Variants in L3MBTL3 observed in about 807,000 individuals in gnomAD.
L3MBTL3 encodes the protein L3MBTL histone methyl-lysine binding protein 3, also known as lethal(3)malignant brain tumor-like protein 3.
Under a neutral mutation model 102.3 loss-of-function variants are expected in L3MBTL3, and 27 were observed. That is an observed-to-expected ratio of 0.26 (90% CI 0.19 to 0.36). The LOEUF is 0.36. Among genes scored for constraint, L3MBTL3 ranks in the 10% least tolerant of loss-of-function variants. The pLI is 1.00. For missense variants in L3MBTL3, 798 were observed against 955.3 expected, an observed-to-expected ratio of 0.84 and a Z score of 2.17; for synonymous variants, 340 against 320.9, an observed-to-expected ratio of 1.06 and a Z score of -0.64.
At chr6:130,054,952 C>T (rs1781368318) in intron 7 of L3MBTL3, 1 of 482,398 alleles carries the variant, frequency 2.1e-6, no homozygotes, top group East Asian at 4.0e-5. Flanking sequence ...GGTGTCCATG[C>T]CCTTCCAACC....
chr6:130,108,849 C>G (rs1319768248), intron 19 of L3MBTL3, among the ~76,000 whole-genome samples: 1 of 152,040 alleles, frequency 6.6e-6, no homozygotes, highest in African/African-American at 2.4e-5. Context: ...TGCTCTCCCT[C>G]CCCTTGCCCC....
In L3MBTL3 at chr6:130,133,503, T is replaced by C. The variant is rs774108074; in HGVS notation, c.2018T>C (p.Phe673Ser). ...CAGGCACAGCGTCGGTCAGCTGTCT[T>C]TCTGTCCTTTAAGTCCCCAATTCCA... ...VQQAQRRSAV[F>S]LSFKSPIPCL... The change falls in exon 21 of 23, where the codon TTT (phenylalanine) becomes TCT (serine). Residue 673 changes from phenylalanine to serine, a missense_variant. Transcript: ENST00000361794. This position sits in a 1 kb window ranked among gnomAD's most constrained non-coding sequence, Gnocchi z 4.9. 1 of 1,614,180 alleles carries C rather than the reference T, an allele frequency of 6.2e-7. No individual in the cohort carries two copies. Among genetic ancestry groups the C allele is most frequent in the Non-Finnish European group, 8.5e-7 (1 of 1,179,996 alleles).
At chr6:130,027,888 T>C (rs1483622514) in intron 2 of L3MBTL3, among the ~76,000 whole-genome samples, 1 of 152,094 alleles carries the variant, frequency 6.6e-6, no homozygotes, top group Non-Finnish European at 1.5e-5. Context: ...GGTGTAAAAT[T>C]TCTATTATTA....
At chr6:130,062,826 G>A (rs187494721) in intron 10 of L3MBTL3, among the ~76,000 whole-genome samples, 4 of 150,350 alleles carry the variant, frequency 2.7e-5, no homozygotes, top group South Asian at 2.1e-4. Flanking sequence ...GGTCCAGTGA[G>A]CATCCTCTTA....
chr6:130,136,643 AGCCTCACTCTGTC>A (rs1228731219), intron 22 of L3MBTL3, among the ~76,000 whole-genome samples: 1 of 151,190 alleles, frequency 6.6e-6, no homozygotes, highest in African/African-American at 2.4e-5. Flanking sequence ...TTTGAGACAG[AGCCTCACTCTGTC>A]GCCCAGGCTG....
At chr6:130,041,082 G>A (rs1047242562) in intron 2 of L3MBTL3, among the ~76,000 whole-genome samples, 14 of 152,264 alleles carry the variant, frequency 9.2e-5, no homozygotes, top group African/African-American at 2.9e-4. Context: ...TTGACTTTTT[G>A]GACCTTTTGA....
intron 10 of L3MBTL3, among the ~76,000 whole-genome samples, chr6:130,065,279 A>G (rs565649870): frequency 1.9e-4 from 29 of 152,154 alleles, no homozygotes; most frequent in Non-Finnish European, 3.1e-4. Context: ...TCTTTTTACT[A>G]TGTGTTTACA....
In L3MBTL3 at chr6:130,049,781, G is replaced by A. The variant is rs1306139599; in HGVS notation, c.240G>A (p.Arg80=). Residue 80 remains arginine, a synonymous_variant, in exon 5 of 23, where the codon AGG becomes AGA. Coordinates refer to ENST00000361794, the MANE Select transcript of L3MBTL3 (RefSeq NM_032438.4). ...CCCCGACCTCTCCCCCGAGCTCCAG[G>A]CCCGTATTTCCACCTGCCTACTGGA... is the stretch of plus-strand genomic sequence containing the variant. ...QEAPTSPPSS[R]PVFPPAYWTS... is the part of the protein sequence containing the mutation. The A allele has an allele frequency of 1.9e-6, 3 of 1,613,790 alleles. No homozygotes were observed. The East Asian group carries it at 6.7e-5, about 36-fold the overall frequency.
intron 20 of L3MBTL3, among the ~76,000 whole-genome samples, chr6:130,131,552 G>A (rs1446845253): frequency 1.3e-5 from 2 of 152,220 alleles, no homozygotes; most frequent in African/African-American, 4.8e-5. Flanking sequence ...CAGACCCCAG[G>A]AGAGGATTCT....
intron 9 of L3MBTL3, among the ~76,000 whole-genome samples, chr6:130,058,914 CA>C (rs1781707357): frequency 6.6e-6 from 1 of 152,018 alleles, no homozygotes; most frequent in Non-Finnish European, 1.5e-5. Flanking sequence ...GTGAACATAG[CA>C]AGCTTTTAAA....
intron 18 of L3MBTL3, among the ~76,000 whole-genome samples, chr6:130,096,809 G>A (rs1401284720): frequency 6.6e-6 from 1 of 152,202 alleles, no homozygotes; most frequent in Non-Finnish European, 1.5e-5. Context: ...GAGGAATGTG[G>A]TAAGGAACCC....
chr6:130,109,364 A>C (rs889543529), intron 19 of L3MBTL3, among the ~76,000 whole-genome samples: 1 of 152,264 alleles, frequency 6.6e-6, no homozygotes, highest in South Asian at 2.1e-4. Context: ...CCTCTCCAGC[A>C]TCTGTTGTTT....
intron 16 of L3MBTL3, among the ~76,000 whole-genome samples, chr6:130,086,721 A>T (rs1783713141): frequency 6.6e-6 from 1 of 152,356 alleles, no homozygotes; most frequent in South Asian, 2.1e-4. Context: ...CCTCTTAAAA[A>T]GTAAGCAAAT....
At chr6:130,023,140 G>A (rs1779116929) in intron 2 of L3MBTL3, among the ~76,000 whole-genome samples, 2 of 151,674 alleles carry the variant, frequency 1.3e-5, no homozygotes, top group Admixed American at 1.3e-4. Context: ...TAAAGGGGTC[G>A]CTAAATCTTG....
chr6:130,122,334 A>G (rs1000773365), intron 20 of L3MBTL3, among the ~76,000 whole-genome samples: 2 of 152,248 alleles, frequency 1.3e-5, no homozygotes, highest in African/African-American at 4.8e-5. Flanking sequence ...AGTTATAGTC[A>G]GTGCTGTCTT....
intron 14 of L3MBTL3, among the ~76,000 whole-genome samples, chr6:130,080,566 G>A (rs1230960702): frequency 1.3e-5 from 2 of 152,100 alleles, no homozygotes; most frequent in Non-Finnish European, 2.9e-5. Flanking sequence ...ATGTACCCTG[G>A]AAGGAGTGGT....
At chr6:130,026,662 C>G (rs955852537) in intron 2 of L3MBTL3, among the ~76,000 whole-genome samples, 3 of 151,936 alleles carry the variant, frequency 2.0e-5, no homozygotes, top group African/African-American at 7.3e-5. Context: ...TGGTCTAGCC[C>G]ATGGCCTTGA....
In L3MBTL3 at chr6:130,133,678, G is replaced by T; in HGVS notation, c.2136+57G>T. ...AGATACAGGATTACTGGCTTAAGAG[G>T]TGTGGAACATTGAGCGTAGGTAGCG... On this transcript the variant is annotated intron_variant, in intron 21 of 22. Coordinates refer to ENST00000361794, the MANE Select transcript of L3MBTL3 (RefSeq NM_032438.4). The surrounding 1 kb of genome is among the most constrained non-coding windows in gnomAD (Gnocchi z 4.9). The T allele has an allele frequency of 6.3e-7, 1 of 1,592,992 alleles. No individual in the cohort carries two copies.
Position 130,060,093 on chromosome 6 carries a change from G to A in L3MBTL3, c.817G>A (p.Val273Met), listed in dbSNP as rs766315177. 51 of 1,613,426 alleles carry A rather than the reference G, an allele frequency of 3.2e-5. No homozygotes were observed. The highest frequency in any genetic ancestry group is 1.6e-4 in the Middle Eastern group (1 of 6,084). The change falls in exon 10 of 23, where the codon GTG becomes ATG. Residue 273 changes from valine (V) to methionine (M), a missense_variant. By Grantham distance (21) the Val-to-Met change is conservative. Around this residue, in one of 4 missense-constraint regions of L3MBTL3, gnomAD observed 434 missense variants for 506.6 expected, o/e 0.86. Coordinates refer to ENST00000361794, the MANE Select transcript of L3MBTL3 (RefSeq NM_032438.4). ...CAAAGTTGGCATGAAATTAGAAGGC[G>A]TGGATCCTGAGCATCAGTCTGTGTA... Reference protein sequence around the residue: ...GFKVGMKLEGVDPEHQSVYCV... With the variant: ...GFKVGMKLEGMDPEHQSVYCV...
Sources: allele counts gnomAD v4.1 joint callset (sites outside exome capture counted in the v4.1 genomes callset), GRCh38; gene constraint gnomAD v4.1.1; regional missense constraint gnomAD v4.1.1; non-coding constraint Gnocchi (gnomAD v3.1); transcripts MANE v1.5; gene names NCBI Gene and HGNC (gene_info 2026-07-23, HGNC 2026-07-21).